The following DGKI variants were observed in gnomAD, a reference collection of about 807,000 sequenced individuals.
The protein encoded by DGKI is DAG kinase iota.
A neutral mutation model predicts 147.5 loss-of-function variants in DGKI; 55 were observed. That is an observed-to-expected ratio of 0.37 (90% CI 0.30 to 0.47). The LOEUF (loss-of-function observed/expected upper bound fraction) is 0.47, where lower values mean the gene tolerates loss of function less well. Among genes scored for constraint, DGKI ranks in the 20% least tolerant of loss-of-function variants. The pLI is 1.00. For missense variants in DGKI, 1,007 were observed against 1,323.8 expected, an observed-to-expected ratio of 0.76 and a Z score of 3.71; for synonymous variants, 469 against 477.1, an observed-to-expected ratio of 0.98 and a Z score of 0.22.
chr7:137,605,313 TATAAAATAAA>T (rs564995858), intron 10 of DGKI, among the ~76,000 whole-genome samples: 5,932 of 121,154 alleles, frequency 0.049, 147 homozygotes, highest in African/African-American at 0.058. Flanking sequence ...GTCTCAAAAA[TATAAAATAAA>T]ATAAAATAAA....
chr7:137,662,796 T>C (rs10224447), intron 3 of DGKI, among the ~76,000 whole-genome samples: 3,544 of 152,270 alleles, frequency 0.023, 141 homozygotes, highest in African/African-American at 0.08. Flanking sequence ...CATGTGTTTG[T>C]GCAATGTGAT....
At chr7:137,656,119 C>T (rs1423398905) in intron 4 of DGKI, among the ~76,000 whole-genome samples, 1 of 152,196 alleles carries the variant, frequency 6.6e-6, no homozygotes, top group African/African-American at 2.4e-5. Context: ...GCTTATAGAA[C>T]TTCTTCCTTC....
chr7:137,659,018 G>A (rs1245856394), intron 3 of DGKI, among the ~76,000 whole-genome samples: 1 of 152,084 alleles, frequency 6.6e-6, no homozygotes, highest in Middle Eastern at 3.2e-3. Flanking sequence ...GCCTTTTGAG[G>A]CAGAATATAT....
At chr7:137,466,977 G>A in intron 24 of DGKI, 35 bp from the exon 25 acceptor site, 2 of 1,610,422 alleles carry the variant, frequency 1.2e-6, no homozygotes, top group South Asian at 1.1e-5. Context: ...CATTCAGAAT[G>A]TTCTGTAATC....
At chr7:137,777,852 T>C (rs150332405) in intron 1 of DGKI, among the ~76,000 whole-genome samples, 1 of 152,300 alleles carries the variant, frequency 6.6e-6, no homozygotes, top group Admixed American at 6.5e-5. Context: ...TTCAGTGCCA[T>C]GAGTGAGAAG....
intron 17 of DGKI, among the ~76,000 whole-genome samples, chr7:137,576,688 G>A (rs1421016337): frequency 6.6e-6 from 1 of 152,162 alleles, no homozygotes; most frequent in Non-Finnish European, 1.5e-5. Flanking sequence ...CCATCTAGTG[G>A]TGAGGAACCT....
intron 21 of DGKI, among the ~76,000 whole-genome samples, chr7:137,496,748 T>C (rs1269993296): frequency 6.6e-6 from 1 of 152,158 alleles, no homozygotes; most frequent in Non-Finnish European, 1.5e-5. Context: ...ACTAGTCATA[T>C]GCAGAGACTG....
chr7:137,790,411 T>G (rs1796816230), intron 1 of DGKI, among the ~76,000 whole-genome samples: 1 of 152,214 alleles, frequency 6.6e-6, no homozygotes, highest in Non-Finnish European at 1.5e-5. Flanking sequence ...AAATTCTTTC[T>G]TATGGAATTT....
chr7:137,512,713 C>T (rs1381334727), intron 21 of DGKI, among the ~76,000 whole-genome samples: 1 of 152,210 alleles, frequency 6.6e-6, no homozygotes, highest in Admixed American at 6.5e-5. Flanking sequence ...ATATCATCAT[C>T]ATTTTAGGCC....
At chr7:137,710,476 A>G (rs1794178285) in intron 1 of DGKI, among the ~76,000 whole-genome samples, 1 of 152,150 alleles carries the variant, frequency 6.6e-6, no homozygotes, top group Non-Finnish European at 1.5e-5. Flanking sequence ...CAAAAAATAC[A>G]TAGAAACTTG....
At chr7:137,567,158 G>C (rs889282040) in intron 19 of DGKI, among the ~76,000 whole-genome samples, 7 of 151,836 alleles carry the variant, frequency 4.6e-5, no homozygotes, top group African/African-American at 1.5e-4. Flanking sequence ...CAGCTACTTG[G>C]GGGGCTAAGG....
intron 12 of DGKI, among the ~76,000 whole-genome samples, chr7:137,591,384 T>C (rs1819609386): frequency 6.6e-6 from 1 of 152,200 alleles, no homozygotes; most frequent in South Asian, 2.1e-4. Context: ...AGCACAGATT[T>C]TGTTTTGTCT....
chr7:137,460,833 A>T (rs961079459), intron 27 of DGKI, among the ~76,000 whole-genome samples: 1 of 152,238 alleles, frequency 6.6e-6, no homozygotes, highest in Non-Finnish European at 1.5e-5. Context: ...ATGCAAATAT[A>T]GAAAAACAAT....
At chr7:137,445,528 C>T (rs928992264) in intron 27 of DGKI, among the ~76,000 whole-genome samples, 2 of 152,104 alleles carry the variant, frequency 1.3e-5, no homozygotes, top group Non-Finnish European at 2.9e-5. Flanking sequence ...TTTTTATCAT[C>T]CACATACCAG....
chr7:137,787,319 C>T (rs1362692016), intron 1 of DGKI, among the ~76,000 whole-genome samples: 3 of 152,022 alleles, frequency 2.0e-5, no homozygotes, highest in Non-Finnish European at 4.4e-5. Flanking sequence ...CAGGCATAGA[C>T]AATTCTCAAG....
intron 28 of DGKI, among the ~76,000 whole-genome samples, chr7:137,428,049 T>G (rs1812896203): frequency 6.7e-6 from 1 of 149,230 alleles, no homozygotes; most frequent in African/African-American, 2.5e-5. Context: ...TAACTCATTT[T>G]ATGAGGCCAG....
intron 14 of DGKI, among the ~76,000 whole-genome samples, chr7:137,582,216 A>C (rs1006063981): frequency 1.3e-5 from 2 of 152,142 alleles, no homozygotes; most frequent in Non-Finnish European, 2.9e-5. Flanking sequence ...TAATAATAGG[A>C]ACTTGTTATG....
Position 137,384,773 on chromosome 7 carries a change from A to C in DGKI, c.*6447T>G, listed in dbSNP as rs550310311. The C allele has an allele frequency of 5.9e-5, 9 of 152,120 alleles. No homozygotes were observed. The highest frequency in any genetic ancestry group is 2.6e-4 in the Admixed American group (4 of 15,254). 9.4% of individuals were successfully genotyped at this position (152,120 alleles called of 1,614,324 possible). On this transcript the variant is annotated 3_prime_UTR_variant, in exon 33 of 33. Coordinates refer to ENST00000614521, the MANE Select transcript of DGKI (RefSeq NM_001321708.2). ...TTTATACTGTCATAGAGTGAAAACT[A>C]TATGTGTGTTTCACTAAAGGTCTGA... is the stretch of plus-strand genomic sequence containing the variant.
chr7:137,709,913 G>A (rs1794164303), intron 1 of DGKI, among the ~76,000 whole-genome samples: 1 of 151,308 alleles, frequency 6.6e-6, no homozygotes, highest in South Asian at 2.1e-4. Flanking sequence ...ATTTTAATAA[G>A]GACAATCATG....
Sources: gnomAD v4.1 joint callset for allele counts (sites outside exome capture counted in the v4.1 genomes callset) on GRCh38, gnomAD v4.1.1 for gene constraint, MANE v1.5 for transcripts, NCBI Gene and HGNC (gene_info 2026-07-23, HGNC 2026-07-21) for gene names.